SNX14: variants seen among roughly 807,000 people sequenced by gnomAD.
SNX14 encodes the protein sorting nexin-14.
SNX14 carries 93 observed loss-of-function variants against 133.8 expected under a neutral mutation model. The observed-to-expected ratio is 0.70, with a 90% CI of 0.59 to 0.83. SNX14 has a LOEUF of 0.83. SNX14 is among the 40% of genes least tolerant of loss of function. The pLI, the probability that SNX14 is intolerant of heterozygous loss-of-function variation, is 0.00. For missense variants in SNX14, 945 were observed against 1,094.9 expected (o/e 0.86, Z 1.93); for synonymous variants, 368 against 365.6 (o/e 1.01, Z -0.07).
chr6:85,568,494 A>G (rs1036649072), intron 4 of SNX14: 9 of 152,222 alleles, frequency 5.9e-5, no homozygotes, highest in African/African-American at 1.9e-4. Flanking sequence ...GTACACTCAA[A>G]TCAGTACATA....
intron 17 of SNX14, among the ~76,000 whole-genome samples, chr6:85,534,234 G>C (rs975454689): frequency 3.3e-5 from 5 of 152,196 alleles, no homozygotes; most frequent in African/African-American, 1.2e-4. Flanking sequence ...GGGAGGCCAA[G>C]GTGGGTGGAT....
chr6:85,551,113 C>T (rs1000734628), intron 7 of SNX14, among the ~76,000 whole-genome samples: 3 of 152,084 alleles, frequency 2.0e-5, no homozygotes, highest in Non-Finnish European at 4.4e-5. Flanking sequence ...GCTTTCACAT[C>T]CAAGTAACCT....
intron 15 of SNX14, among the ~76,000 whole-genome samples, chr6:85,540,915 T>G (rs967029046): frequency 3.3e-5 from 5 of 151,854 alleles, no homozygotes; most frequent in Admixed American, 3.3e-4. Flanking sequence ...ATTAGGTAAA[T>G]GAAATGATCA....
chr6:85,531,925 G>T (rs1056750959), intron 18 of SNX14, among the ~76,000 whole-genome samples: 8 of 152,076 alleles, frequency 5.3e-5, no homozygotes, highest in Non-Finnish European at 1.2e-4. Context: ...CTACTCAGGA[G>T]GCTGAAGTGG....
intron 1 of SNX14, among the ~76,000 whole-genome samples, chr6:85,580,547 A>C (rs940187985): frequency 6.6e-6 from 1 of 152,102 alleles, no homozygotes; most frequent in African/African-American, 2.4e-5. Flanking sequence ...GGGGTCCCCA[A>C]TTCCAGGCCT....
At chr6:85,518,316 C>G (rs551853533) in intron 21 of SNX14, among the ~76,000 whole-genome samples, 1 of 152,154 alleles carries the variant, frequency 6.6e-6, no homozygotes, top group South Asian at 2.1e-4. Flanking sequence ...GGGTTGATAA[C>G]AACGTTGAGT....
At chr6:85,534,544 T>TA (rs1389603985) in intron 17 of SNX14, among the ~76,000 whole-genome samples, 1 of 152,216 alleles carries the variant, frequency 6.6e-6, no homozygotes, top group Non-Finnish European at 1.5e-5. Context: ...AACTTTCTGT[T>TA]ACTACTATCT....
chr6:85,550,788 C>CTT (rs891512349), intron 7 of SNX14, among the ~76,000 whole-genome samples: 4 of 144,330 alleles, frequency 2.8e-5, no homozygotes, highest in East Asian at 4.0e-4. Context: ...CCTCAAAATT[C>CTT]TTTTTTTTTT....
At chr6:85,544,242 T>C (rs1459663867) in intron 12 of SNX14, among the ~76,000 whole-genome samples, 2 of 152,188 alleles carry the variant, frequency 1.3e-5, no homozygotes, top group African/African-American at 2.4e-5. Context: ...GGTAGTATTA[T>C]GATAGCCAAA....
intron 5 of SNX14, among the ~76,000 whole-genome samples, chr6:85,566,791 T>C (rs1746498165): frequency 6.6e-6 from 1 of 152,106 alleles, no homozygotes; most frequent in African/African-American, 2.4e-5. Flanking sequence ...GTATAAGCCA[T>C]GGAGGTATAA....
At chr6:85,570,726 G>A (rs936755399) in intron 4 of SNX14, among the ~76,000 whole-genome samples, 17 of 151,934 alleles carry the variant, frequency 1.1e-4, no homozygotes, top group African/African-American at 3.6e-4. Context: ...GGTGGTGTGC[G>A]CTTGTAGTCC....
At chr6:85,534,253 G>A (rs996094873) in intron 17 of SNX14, among the ~76,000 whole-genome samples, 1 of 152,182 alleles carries the variant, frequency 6.6e-6, no homozygotes, top group Non-Finnish European at 1.5e-5. Flanking sequence ...ATCACCTGAG[G>A]TCAGGAGTTC....
intron 4 of SNX14, among the ~76,000 whole-genome samples, chr6:85,569,428 G>A (rs1306357242): frequency 1.3e-5 from 2 of 152,172 alleles, no homozygotes; most frequent in African/African-American, 4.8e-5. Flanking sequence ...CTGAATATAT[G>A]AAAATAAGAA....
At position 85,593,609 on chromosome 6, in the gene SNX14, C is replaced by T. The variant is rs745457670; in HGVS notation, c.110G>A (p.Cys37Tyr). Residue 37 changes from cysteine (C) to tyrosine (Y), a missense_variant, in exon 1 of 29, where the codon TGT (cysteine) becomes TAT (tyrosine). By Grantham distance (194) the Cys-to-Tyr change is radical. Transcript: ENST00000314673. Reference sequence around the variant, plus strand: ...AAGAAGCAGGGAGGCGGCGCTGAGACAGAGCAGCAGGAAGCAGAACAGCGG... The same window carrying T: ...AAGAAGCAGGGAGGCGGCGCTGAGATAGAGCAGCAGGAAGCAGAACAGCGG... ...QYPLFCFLLL[C>Y]LSAASLLLNR... is the part of the protein sequence containing the mutation. The T allele has an allele frequency of 1.2e-6, 2 of 1,613,230 alleles. No homozygotes were observed. The highest frequency in any genetic ancestry group is 1.7e-6 in the Non-Finnish European group (2 of 1,179,810).
chr6:85,524,940 A>G (rs1023897210), intron 21 of SNX14, among the ~76,000 whole-genome samples: 4 of 152,264 alleles, frequency 2.6e-5, no homozygotes, highest in Admixed American at 2.6e-4. Context: ...ATCCTTTGTT[A>G]TATTTCTATT....
chr6:85,538,415 AT>A (rs1782596553), intron 16 of SNX14, among the ~76,000 whole-genome samples: 1 of 152,154 alleles, frequency 6.6e-6, no homozygotes, highest in Non-Finnish European at 1.5e-5. Flanking sequence ...CTATAAAACA[AT>A]GGGGGTTGTT....
At position 85,552,534 on chromosome 6, in the gene SNX14, A is replaced by C. The variant is rs182993632; in HGVS notation, c.635-2655T>G. ...AAGGGAAATTGCAGGCACCTAAGCT[A>C]GCCCTACAACCAGCAATTAGGAAAG... is the stretch of plus-strand genomic sequence containing the variant. On this transcript the variant is annotated intron_variant, in intron 7 of 28. Transcript: ENST00000314673. 1.3e-4 allele frequency among the ~76,000 whole-genome samples: 20 copies of C among 152,346 alleles called. No homozygotes were observed. The East Asian group carries it at 3.9e-3, about 29-fold the overall frequency.
intron 26 of SNX14, among the ~76,000 whole-genome samples, chr6:85,511,867 T>C (rs77491150): frequency 2.0e-3 from 301 of 152,334 alleles, no homozygotes; most frequent in African/African-American, 7.1e-3. Context: ...TTTTTCTTGA[T>C]AACTGGACAT....
In SNX14 at chr6:85,505,665, C is replaced by T. The variant is rs41271623; in HGVS notation, c.*302G>A. On this transcript the variant is annotated 3_prime_UTR_variant, in exon 29 of 29. Coordinates refer to ENST00000314673, the MANE Select transcript of SNX14 (RefSeq NM_153816.6). ...TAATTATTTTCAAAGCTATACAATA[C>T]GAAGTTTATCAGTCTTATCTGTTTG... is the stretch of plus-strand genomic sequence containing the variant. 2,243 of 317,942 alleles carry T rather than the reference C, an allele frequency of 7.1e-3. 10 individuals are homozygous for T. The highest frequency in any genetic ancestry group is 0.011 in the Middle Eastern group (12 of 1,074). 19.7% of individuals were successfully genotyped at this position (317,942 alleles called of 1,614,324 possible). A position where few individuals can be genotyped will look rare whatever the true frequency, so the allele number is the denominator to read the frequency against.
Sources: allele counts gnomAD v4.1 joint callset (sites outside exome capture counted in the v4.1 genomes callset), GRCh38; gene constraint gnomAD v4.1.1; transcripts MANE v1.5; gene names NCBI Gene and HGNC (gene_info 2026-07-23, HGNC 2026-07-21).